BTBD8: variants seen among roughly 807,000 people sequenced by gnomAD.
BTBD8 encodes BTB/POZ domain-containing protein 8.
A neutral mutation model predicts 162.9 loss-of-function variants in BTBD8; 110 were observed. The observed-to-expected ratio is 0.68, with a 90% CI of 0.58 to 0.79. BTBD8 has a LOEUF of 0.79. Ranked by LOEUF, BTBD8 falls within the 30% of genes least tolerant of loss-of-function variation. BTBD8 has a pLI of 0.00. For synonymous variants in BTBD8, 667 were observed against 716.1 expected (o/e 0.93, Z 1.10); for missense variants, 1,905 against 2,085.4 (o/e 0.91, Z 1.68).
intron 4 of BTBD8, among the ~76,000 whole-genome samples, chr1:92,118,011 A>G (rs1216742702): frequency 6.6e-6 from 1 of 152,078 alleles, no homozygotes. Context: ...ATTTTTTAGA[A>G]CAGTTCCAGA....
At chr1:92,142,055 C>T (rs1193698528) in intron 7 of BTBD8, among the ~76,000 whole-genome samples, 1 of 152,266 alleles carries the variant, frequency 6.6e-6, no homozygotes, top group Non-Finnish European at 1.5e-5. Context: ...ATGTGCTAAA[C>T]GAAAGCCATA....
intron 4 of BTBD8, among the ~76,000 whole-genome samples, chr1:92,110,795 G>A (rs762865182): frequency 6.3e-4 from 96 of 151,660 alleles, no homozygotes; most frequent in Middle Eastern, 3.2e-3. Context: ...CGCCCACCTC[G>A]GCCTCCCAAA....
chr1:92,126,457 A>G, intron 4 of BTBD8: 1 of 907,408 alleles, frequency 1.1e-6, no homozygotes, highest in Middle Eastern at 2.5e-4. Context: ...GTTTTGTGTC[A>G]CTGTCTGAAA....
At chr1:92,119,303 T>G (rs1649129306) in intron 4 of BTBD8, among the ~76,000 whole-genome samples, 1 of 149,394 alleles carries the variant, frequency 6.7e-6, no homozygotes, top group Admixed American at 6.6e-5. Flanking sequence ...TTTTTTTTTT[T>G]GAGACAGGGT....
At position 92,176,902 on chromosome 1, in the gene BTBD8, G is replaced by A; in HGVS notation, c.1709G>A (p.Trp570Ter). Residue 570 changes from tryptophan to a stop codon, truncating the protein, a stop_gained, in exon 14 of 18, where the codon TGG (tryptophan) becomes TAG (stop). Coordinates refer to ENST00000636805, the MANE Select transcript of BTBD8 (RefSeq NM_001376131.1). LOFTEE classifies it high-confidence loss of function. ...AGGGGAAATAACAAGAAAGAGTGTT[G>A]GAGTTATCTCTCTACTAATAAAAAG... ...SWRGNNKKEC[W>*]SYLSTNKKMK... 1 of 1,529,452 alleles carries A rather than the reference G, an allele frequency of 6.5e-7. No homozygotes were observed. The highest frequency in any genetic ancestry group is 1.3e-5 in the South Asian group (1 of 79,794). 94.7% of individuals were successfully genotyped at this position (1,529,452 alleles called of 1,614,324 possible).
At chr1:92,136,443 A>G (rs561389942) in intron 5 of BTBD8, among the ~76,000 whole-genome samples, 2 of 150,730 alleles carry the variant, frequency 1.3e-5, no homozygotes, top group South Asian at 4.2e-4. Flanking sequence ...ATTAGGTACT[A>G]TGCTTAACAA....
intron 2 of BTBD8, among the ~76,000 whole-genome samples, chr1:92,091,217 A>G (rs1648288179): frequency 1.3e-5 from 2 of 152,032 alleles, no homozygotes; most frequent in Non-Finnish European, 2.9e-5. Context: ...ACAAGTGTGT[A>G]GCACCTCCTC....
chr1:92,174,028 A>G (rs988250641), intron 13 of BTBD8, among the ~76,000 whole-genome samples: 1 of 152,182 alleles, frequency 6.6e-6, no homozygotes, highest in African/African-American at 2.4e-5. Context: ...GTACCAAAAT[A>G]CTTAAGGATA....
At chr1:92,147,494 A>G (rs1378271946) in intron 8 of BTBD8, among the ~76,000 whole-genome samples, 190 bp from the exon 9 acceptor site, 2 of 152,214 alleles carry the variant, frequency 1.3e-5, no homozygotes, top group Non-Finnish European at 2.9e-5. Context: ...TTATGTTAAA[A>G]TCTGTGCACA....
At chr1:92,114,382 A>C (rs1159155732) in intron 4 of BTBD8, among the ~76,000 whole-genome samples, 1 of 152,052 alleles carries the variant, frequency 6.6e-6, no homozygotes, top group Non-Finnish European at 1.5e-5. Flanking sequence ...ACTTTATCCA[A>C]TTCTATATTG....
At chr1:92,087,533 G>T (rs1241305583) in intron 1 of BTBD8, among the ~76,000 whole-genome samples, 1 of 152,152 alleles carries the variant, frequency 6.6e-6, no homozygotes, top group Non-Finnish European at 1.5e-5. Flanking sequence ...GGGTAAAATA[G>T]GATCATTTAA....
intron 5 of BTBD8, among the ~76,000 whole-genome samples, chr1:92,130,154 G>T (rs372229260): frequency 6.6e-6 from 1 of 152,088 alleles, no homozygotes; most frequent in Non-Finnish European, 1.5e-5. Flanking sequence ...TCCTTGGTGC[G>T]TGCACTTGGA....
intron 7 of BTBD8, among the ~76,000 whole-genome samples, chr1:92,145,676 T>C (rs1463805479): frequency 3.3e-5 from 5 of 152,198 alleles, no homozygotes; most frequent in African/African-American, 1.2e-4. Flanking sequence ...TCTGTGTATG[T>C]GCTTTTAAAA....
At chr1:92,138,199 G>C (rs1649677526) in intron 5 of BTBD8, among the ~76,000 whole-genome samples, 1 of 152,088 alleles carries the variant, frequency 6.6e-6, no homozygotes, top group Admixed American at 6.6e-5. Context: ...AAGTGCTTTT[G>C]CCCCCCACAA....
intron 3 of BTBD8, among the ~76,000 whole-genome samples, chr1:92,103,860 C>T (rs1457617619): frequency 2.6e-5 from 4 of 152,180 alleles, no homozygotes; most frequent in Non-Finnish European, 5.9e-5. Context: ...GTGCTCTGCT[C>T]AGACAGGTCA....
At chr1:92,179,576 C>G (rs569644234) in intron 16 of BTBD8, among the ~76,000 whole-genome samples, 1 of 152,242 alleles carries the variant, frequency 6.6e-6, no homozygotes, top group East Asian at 1.9e-4. Flanking sequence ...AAATGTTAAA[C>G]ATTTTAAAAT....
chr1:92,146,682 G>C (rs529372516), intron 7 of BTBD8, among the ~76,000 whole-genome samples: 1 of 151,888 alleles, frequency 6.6e-6, no homozygotes, highest in African/African-American at 2.4e-5. Context: ...TTTTTTCCGG[G>C]ATGTAATATA....
chr1:92,180,670 C>A lies in BTBD8; in HGVS notation c.2987C>A (p.Ser996Tyr). The change falls in exon 17 of 18, where the codon TCT becomes TAT. Residue 996 changes from serine to tyrosine, a missense_variant. Physicochemically the swap from Ser to Tyr is moderately radical, Grantham distance 144. This residue lies in a region of BTBD8 where 1,374 missense variants were observed against 1,442.7 expected (regional missense o/e 0.95). Transcript: ENST00000636805. Reference protein sequence around the residue: ...KPHKPLINLASEISDAEALQS... With the variant: ...KPHKPLINLAYEISDAEALQS... ...CACAAACCTCTCATTAATCTTGCATCTGAAATAAGTGATGCAGAAGCACTC... is the reference window on the plus strand; with the variant it reads ...CACAAACCTCTCATTAATCTTGCATATGAAATAAGTGATGCAGAAGCACTC... 1.3e-6 allele frequency: 2 copies of A among 1,551,346 alleles called. No individual in the cohort carries two copies. Among genetic ancestry groups the A allele is most frequent in the Non-Finnish European group, 1.7e-6 (2 of 1,146,908 alleles).
chr1:92,137,546 T>TG (rs1364629146), intron 5 of BTBD8, among the ~76,000 whole-genome samples: 2 of 152,206 alleles, frequency 1.3e-5, no homozygotes, highest in Non-Finnish European at 1.5e-5. Flanking sequence ...TAATGTCTGT[T>TG]GGAGTCTTCA....
Sources: allele counts gnomAD v4.1 joint callset (sites outside exome capture counted in the v4.1 genomes callset), GRCh38; gene constraint gnomAD v4.1.1; regional missense constraint gnomAD v4.1.1; transcripts MANE v1.5; gene names NCBI Gene and HGNC (gene_info 2026-07-23, HGNC 2026-07-21).